SH3GL2: variants seen among roughly 807,000 people sequenced by gnomAD.
The protein encoded by SH3GL2 is endophilin-A1.
Under a neutral mutation model 46.0 loss-of-function variants are expected in SH3GL2, and 24 were observed. That is an observed-to-expected ratio of 0.52 (90% confidence interval 0.38 to 0.73). SH3GL2 has a LOEUF of 0.73. SH3GL2 is among the 30% of genes least tolerant of loss of function. The probability of loss-of-function intolerance (pLI) is 0.00; values close to 1 mark genes in which losing one functional copy is unlikely to be tolerated. For synonymous variants in SH3GL2, 196 were observed against 147.1 expected (o/e 1.33, Z -2.40); for missense variants, 413 against 424.2 (o/e 0.97, Z 0.23).
intron 2 of SH3GL2, 92 bp from the exon 3 acceptor site, chr9:17,761,345 C>T (rs906847183): frequency 3.0e-5 from 24 of 804,540 alleles, no homozygotes; most frequent in Admixed American, 7.1e-5. Flanking sequence ...GGCTCTGTTG[C>T]ATACCCCGCC....
chr9:17,685,133 G>T (rs1460938024), intron 1 of SH3GL2, among the ~76,000 whole-genome samples: 2 of 152,034 alleles, frequency 1.3e-5, no homozygotes, highest in Admixed American at 1.3e-4. Context: ...AGGTGTGTGT[G>T]TGTTTATGTC....
chr9:17,627,498 C>A (rs1410564465), intron 1 of SH3GL2, among the ~76,000 whole-genome samples: 1 of 151,988 alleles, frequency 6.6e-6, no homozygotes, highest in Non-Finnish European at 1.5e-5. Flanking sequence ...AGCAAGCAGA[C>A]CCTATCTGTT....
intron 1 of SH3GL2, among the ~76,000 whole-genome samples, chr9:17,688,601 T>C (rs1820989055): frequency 6.6e-6 from 1 of 151,904 alleles, no homozygotes; most frequent in African/African-American, 2.4e-5. Context: ...GCAGGAAGCA[T>C]GCAAGATGAG....
chr9:17,716,474 C>G (rs577751151), intron 1 of SH3GL2, among the ~76,000 whole-genome samples: 1 of 152,262 alleles, frequency 6.6e-6, no homozygotes, highest in Non-Finnish European at 1.5e-5. Context: ...TCTGAATTCT[C>G]TACTCAATTC....
intron 1 of SH3GL2, among the ~76,000 whole-genome samples, chr9:17,610,307 G>C (rs1001308012): frequency 6.6e-6 from 1 of 152,204 alleles, no homozygotes; most frequent in African/African-American, 2.4e-5. Flanking sequence ...CTGAAGATCA[G>C]AGCTGTGTGT....
rs74529382 is a variant in SH3GL2 at position 17,654,328 on chromosome 9, C to T, written c.45+75041C>T. On this transcript the variant is annotated intron_variant, in intron 1 of 8. Transcript: ENST00000380607. Reference sequence around the variant, plus strand: ...TATTACCCTCTGGTTTTCTGTGCTGCTTCCCCTGAATAAATGGACTCCTCT... The same window carrying T: ...TATTACCCTCTGGTTTTCTGTGCTGTTTCCCCTGAATAAATGGACTCCTCT... 8.5e-3 allele frequency among the ~76,000 whole-genome samples: 1,301 copies of T among 152,298 alleles called. 17 individuals carry two copies. Among genetic ancestry groups the T allele is most frequent in the African/African-American group, 0.03 (1,250 of 41,568 alleles).
intron 1 of SH3GL2, among the ~76,000 whole-genome samples, chr9:17,676,224 T>C (rs931490567): frequency 5.9e-5 from 9 of 152,222 alleles, no homozygotes; most frequent in African/African-American, 2.2e-4. Flanking sequence ...TCTCTTCCTT[T>C]TCTTTTTTCC....
At chr9:17,724,299 A>T (rs72614243) in intron 1 of SH3GL2, among the ~76,000 whole-genome samples, 16 of 151,990 alleles carry the variant, frequency 1.1e-4, no homozygotes, top group Non-Finnish European at 2.1e-4. Flanking sequence ...GCAAATTTTT[A>T]TACTCTTCAA....
intron 3 of SH3GL2, among the ~76,000 whole-genome samples, chr9:17,774,543 T>C (rs1823585507): frequency 7.1e-6 from 1 of 141,586 alleles, no homozygotes; most frequent in Admixed American, 7.2e-5. Flanking sequence ...GAGATGATCG[T>C]GTGTGTGGTT....
At chr9:17,631,562 C>G (rs1380207298) in intron 1 of SH3GL2, among the ~76,000 whole-genome samples, 1 of 152,092 alleles carries the variant, frequency 6.6e-6, no homozygotes, top group Non-Finnish European at 1.5e-5. Context: ...GAAAACAAAG[C>G]CCATCATACT....
intron 4 of SH3GL2, 60 bp from the exon 5 acceptor site, chr9:17,787,320 G>A: frequency 6.9e-7 from 1 of 1,454,608 alleles, no homozygotes; most frequent in Non-Finnish European, 9.5e-7. Context: ...GAAGGGCCCT[G>A]TTATTGCGAG....
At chr9:17,757,035 G>T (rs1823015716) in intron 2 of SH3GL2, among the ~76,000 whole-genome samples, 1 of 152,108 alleles carries the variant, frequency 6.6e-6, no homozygotes, top group Admixed American at 6.5e-5. Context: ...GTGTGAGATG[G>T]TATCTCATTG....
intron 1 of SH3GL2, among the ~76,000 whole-genome samples, chr9:17,732,554 C>T (rs1045426975): frequency 6.6e-6 from 1 of 152,064 alleles, no homozygotes; most frequent in African/African-American, 2.4e-5. Flanking sequence ...TTCATATAAA[C>T]AACGATAGTT....
intron 1 of SH3GL2, among the ~76,000 whole-genome samples, chr9:17,727,548 C>T (rs546096908): frequency 1.3e-5 from 2 of 152,296 alleles, no homozygotes; most frequent in Admixed American, 1.3e-4. Flanking sequence ...CTGAAGGCCA[C>T]CTCTGACTTT....
chr9:17,665,527 G>A (rs117437078), intron 1 of SH3GL2, among the ~76,000 whole-genome samples: 1,885 of 151,980 alleles, frequency 0.012, 19 homozygotes, highest in Middle Eastern at 0.027. Context: ...ATTCATTAAC[G>A]TTTATTATGT....
intron 3 of SH3GL2, among the ~76,000 whole-genome samples, chr9:17,768,684 A>G (rs1388122714): frequency 2.0e-5 from 3 of 152,090 alleles, no homozygotes; most frequent in African/African-American, 7.2e-5. Context: ...TTCTCCTGGT[A>G]GAATATGGGC....
intron 1 of SH3GL2, among the ~76,000 whole-genome samples, chr9:17,648,040 C>T (rs886501975): frequency 6.6e-6 from 1 of 152,086 alleles, no homozygotes; most frequent in African/African-American, 2.4e-5. Context: ...TTAATATTTT[C>T]TTTCTGTAGC....
intron 1 of SH3GL2, among the ~76,000 whole-genome samples, chr9:17,626,398 T>C (rs1355154747): frequency 6.6e-6 from 1 of 152,340 alleles, no homozygotes; most frequent in East Asian, 1.9e-4. Context: ...GAAGCCTCGC[T>C]GGGCCAGAGG....
chr9:17,765,479 C>G (rs1411534073), intron 3 of SH3GL2, among the ~76,000 whole-genome samples: 3 of 152,190 alleles, frequency 2.0e-5, no homozygotes, highest in Admixed American at 2.0e-4. Context: ...TGTGAAGGTC[C>G]TACATCCACT....
Sources: gnomAD v4.1 joint callset for allele counts (sites outside exome capture counted in the v4.1 genomes callset) on GRCh38, gnomAD v4.1.1 for gene constraint, MANE v1.5 for transcripts, NCBI Gene and HGNC (gene_info 2026-07-23, HGNC 2026-07-21) for gene names.